The following NOTCH4 variants were observed in gnomAD, a reference collection of about 807,000 sequenced individuals.
NOTCH4 encodes neurogenic locus notch homolog protein 4.
A neutral mutation model predicts 189.0 loss-of-function variants in NOTCH4; 138 were observed. The ratio of observed to expected loss-of-function variants is 0.73; its 90% confidence interval spans 0.64 to 0.84. NOTCH4 has a LOEUF of 0.84. Ranked by LOEUF, NOTCH4 falls within the 40% of genes least tolerant of loss-of-function variation. The pLI, the probability that NOTCH4 is intolerant of heterozygous loss-of-function variation, is 0.00. For missense variants in NOTCH4, 2,286 were observed against 2,605.4 expected, an observed-to-expected ratio of 0.88 and a Z score of 2.67; for synonymous variants, 942 against 1,032.8, an observed-to-expected ratio of 0.91 and a Z score of 1.69.
In NOTCH4 at chr6:32,195,495, C is replaced by T. The variant is rs2127457662; in HGVS notation, c.5954G>A (p.Cys1985Tyr). 1 of 1,612,766 alleles carries T rather than the reference C, an allele frequency of 6.2e-7. No homozygotes were observed. The highest frequency in any genetic ancestry group is 8.5e-7 in the Non-Finnish European group (1 of 1,179,822). The change falls in exon 30 of 30, where the codon TGT becomes TAT. Residue 1985 changes from cysteine (C) to tyrosine (Y), a missense_variant. Physicochemically the swap from Cys to Tyr is radical, Grantham distance 194 (BLOSUM62 -2). Transcript: ENST00000375023. The surrounding 1 kb of genome is among the most constrained non-coding windows in gnomAD (Gnocchi z 5.4). The part of the protein sequence containing the change: ...SPERGSPQLD[C>Y]GPPALQEMPI... Reference sequence around the variant, plus strand: ...CATTTCTTGGAGGGCTGGGGGACCACAGTCAAGTTGAGGTGATCCCCGCTC... The same window carrying T: ...CATTTCTTGGAGGGCTGGGGGACCATAGTCAAGTTGAGGTGATCCCCGCTC...
At position 32,212,529 on chromosome 6, in the gene NOTCH4, G is replaced by A. The variant is rs537720984; in HGVS notation, c.2625C>T (p.Thr875=). Reference sequence around the variant, plus strand: ...ACAGTGGAAGGTTGCAGAGAGGCCCGGTCCATCCCTGGAGGCACAAGCAGT... The same window carrying A: ...ACAGTGGAAGGTTGCAGAGAGGCCCAGTCCATCCCTGGAGGCACAAGCAGT... ...SFHCLCLQGW[T]GPLCNLPLSS... Residue 875 remains threonine (T), a synonymous_variant, in exon 17 of 30, where the codon ACC becomes ACT. Coordinates refer to ENST00000375023, the MANE Select transcript of NOTCH4 (RefSeq NM_004557.4). This position sits in a 1 kb window ranked among gnomAD's most constrained non-coding sequence, Gnocchi z 4.4. 124 of 1,613,000 alleles carry A rather than the reference G, an allele frequency of 7.7e-5. No individual in the cohort carries two copies. Among genetic ancestry groups the A allele is most frequent in the Admixed American group, 4.3e-4 (26 of 59,988 alleles).
rs1052259450 is a variant in NOTCH4 at position 32,223,194 on chromosome 6, C to G, written c.74-108G>C. 3 of 803,808 alleles carry G rather than the reference C, an allele frequency of 3.7e-6. No individual in the cohort carries two copies. The African/African-American group carries it at 5.1e-5, about 14-fold the overall frequency. The allele number at this position is 803,808 out of a possible 1,614,324, so 49.8% of individuals were successfully genotyped here. ...GCCCACAGCAGCTCCCACAGGTACT[C>G]TAAACCACCTCTTCTTCACATCTGT... On this transcript the variant is annotated intron_variant, in intron 1 of 29. Coordinates refer to ENST00000375023, the MANE Select transcript of NOTCH4 (RefSeq NM_004557.4).
chr6:32,198,561 T>G lies in NOTCH4; in HGVS notation c.4618-2A>C. 1 of 1,612,722 alleles carries G rather than the reference T, an allele frequency of 6.2e-7. No individual in the cohort carries two copies. Among genetic ancestry groups the G allele is most frequent in the South Asian group, 1.1e-5 (1 of 91,048 alleles). On this transcript the variant is annotated splice_acceptor_variant, in intron 25 of 29. Transcript: ENST00000375023. LOFTEE classifies it high-confidence loss of function. The surrounding 1 kb of genome is among the most constrained non-coding windows in gnomAD (Gnocchi z 5.5). ...GGAGGGTGGGCCTGTTTCTTCAGCC[T>G]TTGGGTAACAGCAAGGATCAGTGAA...
intron 2 of NOTCH4, 93 bp from the exon 3 acceptor site, chr6:32,222,899 T>C (rs1414341741): frequency 1.3e-6 from 2 of 1,548,386 alleles, no homozygotes; most frequent in African/African-American, 1.4e-5. Flanking sequence ...TCCCTTCATC[T>C]CCTTCACTTC....
chr6:32,213,759 C>T lies in NOTCH4; in HGVS notation c.2249G>A (p.Gly750Asp), dbSNP rs772789041. Residue 750 changes from glycine (G) to aspartate (D), a missense_variant, in exon 14 of 30, where the codon GGC becomes GAC. This residue lies in a region of NOTCH4 where 1,903 missense variants were observed against 2,261.9 expected (regional missense o/e 0.84). Coordinates refer to ENST00000375023, the MANE Select transcript of NOTCH4 (RefSeq NM_004557.4). ...NGGSCNPSPG[G>D]YYCTCPPSHT... is the part of the protein sequence containing the mutation. ...GCTTGGAGGGCAGGTGCAGTAGTAG[C>T]CTCCAGGGCTAGGGTTGCAGGAGCC... 5.0e-6 allele frequency: 8 copies of T among 1,612,532 alleles called. No homozygotes were observed. The highest frequency in any genetic ancestry group is 6.8e-6 in the Non-Finnish European group (8 of 1,179,986).
intron 28 of NOTCH4, 101 bp from the exon 29 acceptor site, chr6:32,196,522 G>C: frequency 6.9e-7 from 1 of 1,442,094 alleles, no homozygotes; most frequent in South Asian, 1.3e-5. Context: ...TATTCGGGCC[G>C]GCTGGTCCCT....
rs765957616 is a variant in NOTCH4, at chr6:32,195,491, A to G, written c.5958T>C (p.Gly1986=). Reference sequence around the variant, plus strand: ...TGGGCATTTCTTGGAGGGCTGGGGGACCACAGTCAAGTTGAGGTGATCCCC... The same window carrying G: ...TGGGCATTTCTTGGAGGGCTGGGGGGCCACAGTCAAGTTGAGGTGATCCCC... ...PERGSPQLDC[G]PPALQEMPIN... Residue 1986 remains glycine (G), a synonymous_variant, in exon 30 of 30, where the codon GGT becomes GGC. Coordinates refer to ENST00000375023, the MANE Select transcript of NOTCH4 (RefSeq NM_004557.4). This position sits in a 1 kb window ranked among gnomAD's most constrained non-coding sequence, Gnocchi z 5.4. 1 of 1,612,486 alleles carries G rather than the reference A, an allele frequency of 6.2e-7. No individual in the cohort carries two copies. The highest frequency in any genetic ancestry group is 8.5e-7 in the Non-Finnish European group (1 of 1,179,752).
chr6:32,220,111 A>G lies in NOTCH4; in HGVS notation c.1315+18T>C. The G allele has an allele frequency of 1.2e-6, 2 of 1,611,994 alleles. No individual in the cohort carries two copies. The highest frequency in any genetic ancestry group is 8.5e-7 in the Non-Finnish European group (1 of 1,179,512). On this transcript the variant is annotated intron_variant, in intron 7 of 29. Coordinates refer to ENST00000375023, the MANE Select transcript of NOTCH4 (RefSeq NM_004557.4). ...CTGTCTGAGGCTCAGAGAGGCTCTG[A>G]AGTGGGAGTGGCCTCACCCATCAGA...
rs1270969092 is a variant in NOTCH4 at position 32,195,375 on chromosome 6, G to A, written c.*62C>T. 2.7e-6 allele frequency: 4 copies of A among 1,471,852 alleles called. No individual in the cohort carries two copies. Among genetic ancestry groups the A allele is most frequent in the Non-Finnish European group, 2.7e-6 (3 of 1,097,466 alleles). The allele number at this position is 1,471,852 out of a possible 1,614,324, so 91.2% of individuals were successfully genotyped here. ...GGGGATCCATCTTAAAACCAGGAAG[G>A]CCTTCCAGCCTGCCTTTTAATGGGT... On this transcript the variant is annotated 3_prime_UTR_variant, in exon 30 of 30. Coordinates refer to ENST00000375023, the MANE Select transcript of NOTCH4 (RefSeq NM_004557.4). This position sits in a 1 kb window ranked among gnomAD's most constrained non-coding sequence, Gnocchi z 5.4.
chr6:32,212,551 C>T lies in NOTCH4; in HGVS notation c.2603G>A (p.Cys868Tyr), dbSNP rs2127477381. ...HCLQTGPSFH[C>Y]LCLQGWTGPL... ...CCCGGTCCATCCCTGGAGGCACAAG[C>T]AGTGGAAGGAGGGCCCAGTCTGGAG... The change falls in exon 17 of 30, where the codon TGC (cysteine) becomes TAC (tyrosine). Residue 868 changes from cysteine to tyrosine, a missense_variant. Cys to Tyr is a radical substitution (Grantham distance 194). Around this residue, in one of 2 missense-constraint regions of NOTCH4, gnomAD observed 1,903 missense variants for 2,261.9 expected, o/e 0.84. Coordinates refer to ENST00000375023, the MANE Select transcript of NOTCH4 (RefSeq NM_004557.4). This position sits in a 1 kb window ranked among gnomAD's most constrained non-coding sequence, Gnocchi z 4.4. 6.2e-7 allele frequency: 1 copy of T among 1,613,138 alleles called. No individual in the cohort carries two copies. The highest frequency in any genetic ancestry group is 8.5e-7 in the Non-Finnish European group (1 of 1,179,980).
chr6:32,195,460 GGTTT>G lies in NOTCH4; in HGVS notation c.5985_5988del (p.Asn1996LysfsTer19). ...TTCTATTTTTTACCCTCTCCTCCTT[GGTTT>G]ATGGGCATTTCTTGGAGGGCTGGGG... On this transcript the variant is annotated frameshift_variant, in exon 30 of 30. Coordinates refer to ENST00000375023, the MANE Select transcript of NOTCH4 (RefSeq NM_004557.4). LOFTEE classifies it low-confidence loss of function (END_TRUNC). This position sits in a 1 kb window ranked among gnomAD's most constrained non-coding sequence, Gnocchi z 5.4. 1.2e-6 allele frequency: 2 copies of G among 1,605,542 alleles called. No individual in the cohort carries two copies. The highest frequency in any genetic ancestry group is 1.7e-6 in the Non-Finnish European group (2 of 1,175,992).
chr6:32,196,891 C>T (rs1554144617), intron 28 of NOTCH4, 34 bp downstream of exon 28: 2 of 1,611,040 alleles, frequency 1.2e-6, no homozygotes, highest in South Asian at 1.1e-5. Context: ...TGCTCAACTT[C>T]TCTATAGCAT....
chr6:32,219,835 G>A, intron 7 of NOTCH4, 49 bp from the exon 8 acceptor site: 2 of 1,478,180 alleles, frequency 1.4e-6, no homozygotes, highest in Non-Finnish European at 1.9e-6. Flanking sequence ...GGCAGGAAGG[G>A]CAAGGAGGTG....
At position 32,217,102 on chromosome 6, in the gene NOTCH4, G is replaced by C. The variant is rs1209699314; in HGVS notation, c.1739-35C>G. 6.2e-7 allele frequency: 1 copy of C among 1,613,042 alleles called. No individual in the cohort carries two copies. The highest frequency in any genetic ancestry group is 8.5e-7 in the Non-Finnish European group (1 of 1,179,994). On this transcript the variant is annotated intron_variant, in intron 10 of 29. Coordinates refer to ENST00000375023, the MANE Select transcript of NOTCH4 (RefSeq NM_004557.4). This position sits in a 1 kb window ranked among gnomAD's most constrained non-coding sequence, Gnocchi z 4.2. ...AGCAGGAAGGTCAGGGACCTGCACG[G>C]ATGTCTGCCTCCTGCTCCCGCTGTC...
Position 32,195,152 on chromosome 6 carries a change from G to C in NOTCH4, c.*285C>G. 1 of 454,508 alleles carries C rather than the reference G, an allele frequency of 2.2e-6. No homozygotes were observed. The highest frequency in any genetic ancestry group is 3.9e-6 in the Non-Finnish European group (1 of 257,406). 28.2% of individuals were successfully genotyped at this position (454,508 alleles called of 1,614,324 possible). A position where few individuals can be genotyped will look rare whatever the true frequency, so the allele number is the denominator to read the frequency against. On this transcript the variant is annotated 3_prime_UTR_variant, in exon 30 of 30. Coordinates refer to ENST00000375023, the MANE Select transcript of NOTCH4 (RefSeq NM_004557.4). The surrounding 1 kb of genome is among the most constrained non-coding windows in gnomAD (Gnocchi z 5.4). ...ACATCCCATATGCCTGCAATTCTTG[G>C]TTCCAACTTAGGGGTATTTCCACTC...
chr6:32,196,076 T>TGCCCCCA lies in NOTCH4; in HGVS notation c.5366_5372dup (p.Ala1792GlyfsTer22), dbSNP rs776481624. The TGCCCCCA allele has an allele frequency of 6.3e-7, 1 of 1,593,232 alleles. No homozygotes were observed. ...CAGCCTGGTCCCGCAGCTCTCGGGC[T>TGCCCCCA]GCCCCCAGCCCCAGCAGTAGCTGGG... On this transcript the variant is annotated frameshift_variant, in exon 30 of 30. Coordinates refer to ENST00000375023, the MANE Select transcript of NOTCH4 (RefSeq NM_004557.4). LOFTEE classifies it low-confidence loss of function (END_TRUNC).
At position 32,202,902 on chromosome 6, in the gene NOTCH4, A is replaced by G. The variant is rs1021868768; in HGVS notation, c.3232-303T>C. On this transcript the variant is annotated intron_variant, in intron 20 of 29. Transcript: ENST00000375023. This position sits in a 1 kb window ranked among gnomAD's most constrained non-coding sequence, Gnocchi z 5.7. ...TAAACAGTTAATAGAATGCTATTAT[A>G]TTATTATTATTATTATTTTTGAGAC... The G allele has an allele frequency of 8.6e-6, 2 of 233,238 alleles. No individual in the cohort carries two copies. The highest frequency in any genetic ancestry group is 1.6e-5 in the Non-Finnish European group (2 of 122,604). 14.4% of individuals were successfully genotyped at this position (233,238 alleles called of 1,614,324 possible).
chr6:32,201,933 C>A lies in NOTCH4; in HGVS notation c.3755+143G>T. 1 of 732,742 alleles carries A rather than the reference C, an allele frequency of 1.4e-6. No individual in the cohort carries two copies. The highest frequency in any genetic ancestry group is 1.8e-5 in the African/African-American group (1 of 55,816). 45.4% of individuals were successfully genotyped at this position (732,742 alleles called of 1,614,324 possible). A position where few individuals can be genotyped will look rare whatever the true frequency, so the allele number is the denominator to read the frequency against. On this transcript the variant is annotated intron_variant, in intron 21 of 29. Transcript: ENST00000375023. This position sits in a 1 kb window ranked among gnomAD's most constrained non-coding sequence, Gnocchi z 5.5. ...CTAGGTTGGAGTCCAGAGTCTTCGA[C>A]CCCTGTTTAGTGATGGTTATTAGGG...
rs1242095866 is a variant in NOTCH4, at chr6:32,217,978, G to C, written c.1624+17C>G. 6.5e-7 allele frequency: 1 copy of C among 1,542,756 alleles called. No individual in the cohort carries two copies. The highest frequency in any genetic ancestry group is 9.0e-7 in the Non-Finnish European group (1 of 1,116,088). ...GGCCTGGGGTCTGAGGGTGGCCAGA[G>C]AGGCATCTGTACTCACCAGGCAGGC... On this transcript the variant is annotated intron_variant, in intron 9 of 29. Transcript: ENST00000375023. The surrounding 1 kb of genome is among the most constrained non-coding windows in gnomAD (Gnocchi z 4.2).
Sources: gnomAD v4.1 joint callset for allele counts on GRCh38, gnomAD v4.1.1 for gene constraint, gnomAD v4.1.1 regional missense constraint, Gnocchi (gnomAD v3.1) non-coding constraint, MANE v1.5 for transcripts, NCBI Gene and HGNC (gene_info 2026-07-23, HGNC 2026-07-21) for gene names.